USP46: variants seen among roughly 807,000 people sequenced by gnomAD.
USP46 encodes ubiquitin carboxyl-terminal hydrolase 46.
In USP46, 12 loss-of-function variants were observed where a neutral mutation model predicts 44.4. That is an observed-to-expected ratio of 0.27 (90% CI 0.17 to 0.44). USP46 has a LOEUF of 0.44. USP46 is among the 20% of genes least tolerant of loss of function. The pLI, the probability that USP46 is intolerant of heterozygous loss-of-function variation, is 1.00. For synonymous variants in USP46, 155 were observed against 161.5 expected, an observed-to-expected ratio of 0.96 and a Z score of 0.31; for missense variants, 248 against 444.8, an observed-to-expected ratio of 0.56 and a Z score of 3.98.
chr4:52,621,994 T>C (rs1717390858), intron 4 of USP46, among the ~76,000 whole-genome samples: 1 of 152,162 alleles, frequency 6.6e-6, no homozygotes, highest in Non-Finnish European at 1.5e-5. Context: ...TTAATGATAA[T>C]AGCAAGTTTA....
At chr4:52,640,560 G>A (rs1718296757) in intron 1 of USP46, among the ~76,000 whole-genome samples, 1 of 151,966 alleles carries the variant, frequency 6.6e-6, no homozygotes, top group South Asian at 2.1e-4. Flanking sequence ...TAGCAGTTTG[G>A]GAGGCCAAGG....
intron 4 of USP46, among the ~76,000 whole-genome samples, chr4:52,613,731 A>C (rs147981933): frequency 0.015 from 2,247 of 151,896 alleles, 26 homozygotes; most frequent in Non-Finnish European, 0.025. Flanking sequence ...CAAAAAAAAA[A>C]AAAAAAGAAA....
intron 5 of USP46, among the ~76,000 whole-genome samples, chr4:52,609,948 C>T (rs1236030133): frequency 1.1e-4 from 5 of 44,824 alleles, no homozygotes; most frequent in African/African-American, 2.9e-4. Context: ...TTTTTTGAGG[C>T]GGAGTTTCGC....
At chr4:52,624,710 G>A (rs1351718329) in intron 4 of USP46, among the ~76,000 whole-genome samples, 1 of 152,170 alleles carries the variant, frequency 6.6e-6, no homozygotes, top group Non-Finnish European at 1.5e-5. Flanking sequence ...CTAATAGGAT[G>A]GTATTTGGAG....
intron 4 of USP46, among the ~76,000 whole-genome samples, chr4:52,611,429 A>C (rs1304985375): frequency 6.6e-6 from 1 of 152,232 alleles, no homozygotes; most frequent in East Asian, 1.9e-4. Flanking sequence ...TTGTTCCCGG[A>C]GTAGCAGGAA....
intron 4 of USP46, among the ~76,000 whole-genome samples, chr4:52,614,797 C>T (rs1401364631): frequency 6.6e-6 from 1 of 152,152 alleles, no homozygotes; most frequent in East Asian, 1.9e-4. Flanking sequence ...AGGCATAACA[C>T]TGTCCTGTGG....
chr4:52,632,985 A>AAAG (rs1553891297), intron 1 of USP46, among the ~76,000 whole-genome samples: 5,468 of 48,368 alleles, frequency 0.11, 229 homozygotes, highest in Non-Finnish European at 0.12. Flanking sequence ...AGAAAGAAAG[A>AAAG]AAAGAAAAGA....
chr4:52,646,297 T>C (rs1411315187), intron 1 of USP46, among the ~76,000 whole-genome samples: 1 of 152,182 alleles, frequency 6.6e-6, no homozygotes, highest in Non-Finnish European at 1.5e-5. Flanking sequence ...AACCAGTCCC[T>C]CCTGGGTCAG....
chr4:52,655,916 T>C (rs1176989545), intron 1 of USP46, among the ~76,000 whole-genome samples: 1 of 152,178 alleles, frequency 6.6e-6, no homozygotes, highest in African/African-American at 2.4e-5. Flanking sequence ...TTTTCCAAGT[T>C]TCCTATAACT....
intron 2 of USP46, among the ~76,000 whole-genome samples, chr4:52,629,117 TA>T (rs1339294984): frequency 6.6e-6 from 1 of 152,254 alleles, no homozygotes; most frequent in African/African-American, 2.4e-5. Flanking sequence ...AAGATTAAAA[TA>T]GAACATGAAC....
At chr4:52,632,984 GAAAAGA>G (rs368082950) in intron 1 of USP46, among the ~76,000 whole-genome samples, 5,480 of 50,456 alleles carry the variant, frequency 0.11, 363 homozygotes, top group African/African-American at 0.17. Flanking sequence ...AAGAAAGAAA[GAAAAGA>G]AAAGAAAGAA....
At chr4:52,613,733 A>G (rs956122732) in intron 4 of USP46, among the ~76,000 whole-genome samples, 52 of 151,868 alleles carry the variant, frequency 3.4e-4, no homozygotes, top group Non-Finnish European at 5.0e-4. Flanking sequence ...AAAAAAAAAA[A>G]AAAAGAAAAG....
intron 4 of USP46, among the ~76,000 whole-genome samples, chr4:52,625,174 C>T (rs73248668): frequency 0.023 from 3,505 of 152,162 alleles, 64 homozygotes; most frequent in Non-Finnish European, 0.033. Context: ...ACATTTATTG[C>T]CTACTTGCCA....
Position 52,625,363 on chromosome 4 carries a change from G to A in USP46, c.561+655C>T, listed in dbSNP as rs568364934. 2.4e-4 allele frequency among the ~76,000 whole-genome samples: 37 copies of A among 152,146 alleles called. No homozygotes were observed. The Middle Eastern group carries it at 0.01, about 42-fold the overall frequency. The stretch of plus-strand genomic sequence containing the variant: ...GCCAGCATACAAACTTGGGCAGCCT[G>A]GCTCCAGAGCTCAGCTCTTAAGCAG... On this transcript the variant is annotated intron_variant, in intron 4 of 8. Transcript: ENST00000441222.
At chr4:52,602,237 T>C (rs1716499319) in intron 6 of USP46, among the ~76,000 whole-genome samples, 183 bp from the exon 7 acceptor site, 1 of 152,210 alleles carries the variant, frequency 6.6e-6, no homozygotes, top group African/African-American at 2.4e-5. Context: ...CCTACATCCC[T>C]GGCTCCCAGC....
At chr4:52,634,690 G>T (rs1209843835) in intron 1 of USP46, among the ~76,000 whole-genome samples, 6 of 152,004 alleles carry the variant, frequency 3.9e-5, no homozygotes, top group African/African-American at 1.4e-4. Context: ...CTCCCAAAGT[G>T]CTGGGATTAC....
rs1168982211 is a variant in USP46, at chr4:52,627,939, A to G, written c.331+11T>C. 2 of 1,609,092 alleles carry G rather than the reference A, an allele frequency of 1.2e-6. No homozygotes were observed. Among genetic ancestry groups the G allele is most frequent in the African/African-American group, 1.3e-5 (1 of 75,008 alleles). On this transcript the variant is annotated intron_variant, in intron 3 of 8. Coordinates refer to ENST00000441222, the MANE Select transcript of USP46 (RefSeq NM_022832.4). ...CAGAGGCTTAAATACATTATACTGC[A>G]TACTACTCACCATTCTCTTTTCTCA...
chr4:52,597,802 T>C (rs896066269), intron 8 of USP46, 61 bp from the exon 9 acceptor site: 3 of 1,181,068 alleles, frequency 2.5e-6, no homozygotes, highest in Non-Finnish European at 2.4e-6. Context: ...GGAAAGGAAA[T>C]AAAAACTAAT....
In USP46 at chr4:52,628,092, C is replaced by T. The variant is rs1717662765; in HGVS notation, c.189G>A (p.Val63=). The change falls in exon 3 of 9, where the codon GTG becomes GTA. Residue 63 remains valine (V), a synonymous_variant. Coordinates refer to ENST00000441222, the MANE Select transcript of USP46 (RefSeq NM_022832.4). The part of the protein sequence containing the change: ...LYFCRPFREN[V]LAYKAQQKKK... Reference sequence around the variant, plus strand: ...TCTTTTGCTGGGCCTTGTATGCCAACACATTCTCCCGGAATGGACGGCAGA... The same window carrying T: ...TCTTTTGCTGGGCCTTGTATGCCAATACATTCTCCCGGAATGGACGGCAGA... 3 of 1,613,958 alleles carry T rather than the reference C, an allele frequency of 1.9e-6. No individual in the cohort carries two copies. The South Asian group carries it at 3.3e-5, about 18-fold the overall frequency.
Sources: allele counts gnomAD v4.1 joint callset (sites outside exome capture counted in the v4.1 genomes callset), GRCh38; gene constraint gnomAD v4.1.1; transcripts MANE v1.5; gene names NCBI Gene and HGNC (gene_info 2026-07-23, HGNC 2026-07-21).